The following UBAP2 variants were observed in gnomAD, a reference collection of about 807,000 sequenced individuals.
UBAP2 encodes the protein ubiquitin-associated protein 2.
Under a neutral mutation model 139.6 loss-of-function variants are expected in UBAP2, and 75 were observed. The ratio of observed to expected loss-of-function variants is 0.54; its 90% confidence interval spans 0.45 to 0.65. UBAP2 has a LOEUF of 0.65. UBAP2 is among the 30% of genes least tolerant of loss of function. The pLI is 0.00. For synonymous variants in UBAP2, 526 were observed against 526.2 expected (o/e 1.00, Z 0.01); for missense variants, 1,368 against 1,369.6 (o/e 1.00, Z 0.02).
chr9:33,962,988 T>A (rs971786239), intron 9 of UBAP2, among the ~76,000 whole-genome samples: 1 of 151,072 alleles, frequency 6.6e-6, no homozygotes, highest in African/African-American at 2.4e-5. Flanking sequence ...TCAAAAAAAA[T>A]AAATAAAAAT....
intron 10 of UBAP2, among the ~76,000 whole-genome samples, chr9:33,958,702 C>A (rs1048060443): frequency 7.1e-6 from 1 of 140,634 alleles, no homozygotes; most frequent in African/African-American, 2.7e-5. Context: ...CCACTGTGCC[C>A]GGCCTTTTTT....
intron 10 of UBAP2, among the ~76,000 whole-genome samples, chr9:33,960,342 T>G (rs773124208): frequency 2.0e-5 from 3 of 152,104 alleles, no homozygotes; most frequent in African/African-American, 2.4e-5. Context: ...AAATCTAAGT[T>G]CCTTTTAAGA....
chr9:33,961,556 T>A (rs1053655177), intron 9 of UBAP2, among the ~76,000 whole-genome samples: 1 of 152,104 alleles, frequency 6.6e-6, no homozygotes, highest in Non-Finnish European at 1.5e-5. Flanking sequence ...TACTTACAGA[T>A]CTTATATAAG....
intron 2 of UBAP2, among the ~76,000 whole-genome samples, chr9:34,010,055 C>A (rs1823612511): frequency 6.8e-6 from 1 of 147,840 alleles, no homozygotes; most frequent in Admixed American, 6.7e-5. Flanking sequence ...GATCTACCTG[C>A]CTTGGCCTCC....
intron 1 of UBAP2, among the ~76,000 whole-genome samples, chr9:34,025,435 G>GT (rs1825323296): frequency 3.3e-5 from 5 of 152,228 alleles, no homozygotes; most frequent in Middle Eastern, 3.4e-3. Flanking sequence ...GAAGCACCAG[G>GT]CTTACTTCAA....
intron 8 of UBAP2, 145 bp from the exon 9 acceptor site, chr9:33,963,936 C>A (rs887421530): frequency 9.7e-6 from 6 of 621,346 alleles, no homozygotes; most frequent in African/African-American, 7.3e-5. Flanking sequence ...CATACTCTTA[C>A]AGGTCACTGC....
At chr9:33,954,301 C>CACACACACACATAT (rs1554682975) in intron 11 of UBAP2, among the ~76,000 whole-genome samples, 2 of 146,646 alleles carry the variant, frequency 1.4e-5, no homozygotes, top group South Asian at 2.2e-4. Context: ...CACACACACA[C>CACACACACACATAT]GCCCATATAA....
chr9:33,976,707 CTT>C (rs1462037683), intron 6 of UBAP2, among the ~76,000 whole-genome samples: 4 of 152,074 alleles, frequency 2.6e-5, no homozygotes, highest in Non-Finnish European at 5.9e-5. Context: ...AGAATATTTT[CTT>C]TCTTAGGCTG....
chr9:33,934,334 C>T (rs1010784929), intron 17 of UBAP2: 2 of 155,758 alleles, frequency 1.3e-5, no homozygotes, highest in Non-Finnish European at 2.9e-5. Flanking sequence ...ACACATACAA[C>T]TCAGATATGT....
rs778536547 is a variant in UBAP2, at chr9:33,923,466, A to G, written c.2809T>C (p.Ser937Pro). 6.2e-7 allele frequency: 1 copy of G among 1,614,040 alleles called. No homozygotes were observed. The highest frequency in any genetic ancestry group is 2.2e-5 in the East Asian group (1 of 44,862). Residue 937 changes from serine (S) to proline (P), a missense_variant, in exon 25 of 29, where the codon TCA becomes CCA. By Grantham distance (74) the Ser-to-Pro change is moderately conservative (BLOSUM62 -1). Coordinates refer to ENST00000379238, the MANE Select transcript of UBAP2 (RefSeq NM_001370062.2). ...YGPTMFVPPA[S>P]AKQHGVNLST... ...AGGTTCACCCCATGTTGCTTGGCTG[A>G]GGCTGGAGGGACCTGGGGGGGCAAG...
intron 1 of UBAP2, among the ~76,000 whole-genome samples, chr9:34,022,243 CTAAAAAAATAAAAA>C (rs1479416992): frequency 1.3e-5 from 2 of 151,750 alleles, no homozygotes; most frequent in East Asian, 1.9e-4. Flanking sequence ...GAGACACCAT[CTAAAAAAATAAAAA>C]TAAAAAAATC....
In UBAP2 at chr9:33,922,279, AT is replaced by A; in HGVS notation, c.*224del. Reference sequence around the variant, plus strand: ...AATGGGGAGGGCAGACCTGGCTAACATCTGCCGCCATCCCCCAACTCCCCCC... The same window carrying A: ...AATGGGGAGGGCAGACCTGGCTAACACTGCCGCCATCCCCCAACTCCCCCC... On this transcript the variant is annotated 3_prime_UTR_variant, in exon 29 of 29. Coordinates refer to ENST00000379238, the MANE Select transcript of UBAP2 (RefSeq NM_001370062.2). 1 of 546,736 alleles carries A rather than the reference AT, an allele frequency of 1.8e-6. No homozygotes were observed. Among genetic ancestry groups the A allele is most frequent in the South Asian group, 2.1e-5 (1 of 48,334 alleles). 33.9% of individuals were successfully genotyped at this position (546,736 alleles called of 1,614,324 possible).
intron 6 of UBAP2, among the ~76,000 whole-genome samples, chr9:33,984,498 T>TA (rs1041499858): frequency 6.3e-4 from 92 of 144,988 alleles, no homozygotes; most frequent in African/African-American, 1.3e-3. Flanking sequence ...CCCCATCTCT[T>TA]AAAAAAAAAA....
intron 1 of UBAP2, among the ~76,000 whole-genome samples, chr9:34,039,129 G>A (rs1474578978): frequency 2.6e-5 from 4 of 151,404 alleles, no homozygotes; most frequent in South Asian, 4.2e-4. Flanking sequence ...CCCGGCAGCC[G>A]GCCCGTCTGG....
chr9:33,984,508 A>AAT (rs112525945), intron 6 of UBAP2, among the ~76,000 whole-genome samples: 4 of 149,288 alleles, frequency 2.7e-5, no homozygotes, highest in South Asian at 2.1e-4. Flanking sequence ...TAAAAAAAAA[A>AAT]TTTTTTTTTT....
intron 16 of UBAP2, among the ~76,000 whole-genome samples, chr9:33,936,959 G>C (rs190887557): frequency 1.5e-5 from 2 of 129,564 alleles, no homozygotes; most frequent in Non-Finnish European, 3.2e-5. Context: ...AAAACAGTCT[G>C]AATAGCCCTC....
At position 33,927,889 on chromosome 9, in the gene UBAP2, C is replaced by T. The variant is rs1349643309; in HGVS notation, c.2279G>A (p.Ser760Asn). ...GAGGCTGTTCGCGGTGTTCATGCTACTGGACAGGCTGGCGCCTGAGGATGC... is the reference window on the plus strand; with the variant it reads ...GAGGCTGTTCGCGGTGTTCATGCTATTGGACAGGCTGGCGCCTGAGGATGC... Reference protein sequence around the residue: ...SSASSGASLSSSMNTANSLCL... With the variant: ...SSASSGASLSNSMNTANSLCL... The change falls in exon 20 of 29, where the codon AGT becomes AAT. Residue 760 changes from serine to asparagine, a missense_variant. Transcript: ENST00000379238. 2 of 1,614,220 alleles carry T rather than the reference C, an allele frequency of 1.2e-6. No homozygotes were observed. The highest frequency in any genetic ancestry group is 1.7e-6 in the Non-Finnish European group (2 of 1,180,034).
intron 2 of UBAP2, among the ~76,000 whole-genome samples, chr9:33,999,322 A>G (rs1341425505): frequency 6.6e-6 from 1 of 151,624 alleles, no homozygotes; most frequent in African/African-American, 2.4e-5. Flanking sequence ...TTTTAAAAAG[A>G]TTAAAAAAAA....
At chr9:34,002,312 A>T (rs2131207163) in intron 2 of UBAP2, among the ~76,000 whole-genome samples, 1 of 151,990 alleles carries the variant, frequency 6.6e-6, no homozygotes, top group Non-Finnish European at 1.5e-5. Context: ...AATCACTCAC[A>T]GACACAATTT....
Sources: allele counts gnomAD v4.1 joint callset (sites outside exome capture counted in the v4.1 genomes callset), GRCh38; gene constraint gnomAD v4.1.1; transcripts MANE v1.5; gene names NCBI Gene and HGNC (gene_info 2026-07-23, HGNC 2026-07-21).